The following GPR149 variants were observed in gnomAD, a reference collection of about 807,000 sequenced individuals.
The protein encoded by GPR149 is G protein-coupled receptor 149.
A neutral mutation model predicts 50.2 loss-of-function variants in GPR149; 50 were observed. The observed-to-expected ratio is 1.00, with a 90% CI of 0.79 to 1.26. The LOEUF is 1.26. GPR149 is among the 50% of genes most tolerant of loss of function. The pLI is 0.00. For synonymous variants in GPR149, 405 were observed against 358.2 expected, an observed-to-expected ratio of 1.13 and a Z score of -1.48; for missense variants, 983 against 895.4, an observed-to-expected ratio of 1.10 and a Z score of -1.25.
At chr3:154,353,726 C>A (rs1199007803) in intron 3 of GPR149, 1 of 1,045,008 alleles carries the variant, frequency 9.6e-7, no homozygotes, top group Non-Finnish European at 1.5e-6. Flanking sequence ...AAAATTGTTT[C>A]TTGATTTCTT....
At chr3:154,389,155 A>G (rs968386740) in intron 3 of GPR149, among the ~76,000 whole-genome samples, 3 of 152,188 alleles carry the variant, frequency 2.0e-5, no homozygotes, top group Admixed American at 2.0e-4. Context: ...TTGAAAATTC[A>G]ATCAGTAATG....
chr3:154,406,947 A>G (rs541678702), intron 3 of GPR149, among the ~76,000 whole-genome samples: 1 of 152,334 alleles, frequency 6.6e-6, no homozygotes, highest in East Asian at 1.9e-4. Context: ...AGGCCTCACA[A>G]TCATGACAGA....
chr3:154,340,466 A>G (rs1038128280), intron 3 of GPR149, among the ~76,000 whole-genome samples: 17 of 152,146 alleles, frequency 1.1e-4, no homozygotes, highest in Admixed American at 1.1e-3. Context: ...TTATACATCC[A>G]CTTATTAAAC....
chr3:154,345,089 G>A (rs1713891004), intron 3 of GPR149, among the ~76,000 whole-genome samples: 2 of 151,954 alleles, frequency 1.3e-5, no homozygotes, highest in Non-Finnish European at 2.9e-5. Flanking sequence ...TTTCTTCTCT[G>A]CTACCTATAA....
intron 3 of GPR149, chr3:154,354,191 G>GT (rs1714158141): frequency 2.0e-6 from 1 of 491,162 alleles, no homozygotes; most frequent in African/African-American, 2.1e-5. Context: ...ATTTTCTCTT[G>GT]TTTTTGATTT....
intron 3 of GPR149, among the ~76,000 whole-genome samples, chr3:154,394,176 T>C (rs1018090819): frequency 4.6e-5 from 7 of 152,052 alleles, no homozygotes; most frequent in Non-Finnish European, 7.4e-5. Context: ...ATTACAAGGC[T>C]ATAGTAATTT....
At chr3:154,367,813 A>G (rs1022030694) in intron 3 of GPR149, among the ~76,000 whole-genome samples, 1 of 152,200 alleles carries the variant, frequency 6.6e-6, no homozygotes, top group Non-Finnish European at 1.5e-5. Context: ...TTGGCGAGCC[A>G]GCCAGGAGGA....
intron 3 of GPR149, among the ~76,000 whole-genome samples, chr3:154,411,076 C>A (rs1711819131): frequency 1.3e-5 from 2 of 152,104 alleles, no homozygotes; most frequent in Admixed American, 1.3e-4. Context: ...AATTAAATAA[C>A]CTGCTCCTGA....
rs554645777 is a variant in GPR149, at chr3:154,357,146, T to A, written c.1624-18875A>T. Among the ~76,000 whole-genome samples the A allele has an allele frequency of 3.3e-5, 5 of 152,318 alleles. No homozygotes were observed. The South Asian group carries it at 1.0e-3, about 32-fold the overall frequency. On this transcript the variant is annotated intron_variant, in intron 3 of 3. Transcript: ENST00000389740. ...CTAGCCCTATGTAGAAAGCTGAAACTGGATCCCTTCCTTACACCTTATACA... is the reference window on the plus strand; with the variant it reads ...CTAGCCCTATGTAGAAAGCTGAAACAGGATCCCTTCCTTACACCTTATACA...
intron 3 of GPR149, among the ~76,000 whole-genome samples, chr3:154,358,308 A>G (rs1268191225): frequency 6.6e-6 from 1 of 152,160 alleles, no homozygotes; most frequent in Non-Finnish European, 1.5e-5. Flanking sequence ...AAAAATAAAA[A>G]TAAAAGAAAG....
At chr3:154,371,896 T>C (rs1378910499) in intron 3 of GPR149, among the ~76,000 whole-genome samples, 1 of 152,172 alleles carries the variant, frequency 6.6e-6, no homozygotes, top group Non-Finnish European at 1.5e-5. Context: ...TCAAATTTGT[T>C]TCCTCAGGAT....
At position 154,335,298 on chromosome 3, in the gene GPR149, C is replaced by T. The variant is rs571795335; in HGVS notation, c.*2401G>A. On this transcript the variant is annotated 3_prime_UTR_variant, in exon 4 of 4. Transcript: ENST00000389740. Reference sequence around the variant, plus strand: ...AGAAAGGTATTTCCTCTACTAGAAACACACTTTTATAATCAATCACTCTAA... The same window carrying T: ...AGAAAGGTATTTCCTCTACTAGAAATACACTTTTATAATCAATCACTCTAA... 6.6e-6 allele frequency: 1 copy of T among 152,220 alleles called. No individual in the cohort carries two copies. The highest frequency in any genetic ancestry group is 2.4e-5 in the African/African-American group (1 of 41,562). The allele number at this position is 152,220 out of a possible 1,614,324, so 9.4% of individuals were successfully genotyped here. A position where few individuals can be genotyped will look rare whatever the true frequency, so the allele number is the denominator to read the frequency against.
Position 154,338,053 on chromosome 3 carries a change from A to C in GPR149, c.1842T>G (p.Ser614Arg). ...EDSSSTFVDT[S>R]VKIHLEVLEI... ...CAAGAACCTCCAAGTGTATTTTCAC[A>C]CTGGTGTCCACAAACGTGGATGAAG... Residue 614 changes from serine to arginine, a missense_variant, in exon 4 of 4, where the codon AGT becomes AGG. Physicochemically the swap from Ser to Arg is moderately radical, Grantham distance 110. Transcript: ENST00000389740. 6.2e-7 allele frequency: 1 copy of C among 1,614,188 alleles called. No individual in the cohort carries two copies. Among genetic ancestry groups the C allele is most frequent in the Non-Finnish European group, 8.5e-7 (1 of 1,180,022 alleles).
chr3:154,345,691 A>G (rs1029766624), intron 3 of GPR149, among the ~76,000 whole-genome samples: 4 of 152,176 alleles, frequency 2.6e-5, no homozygotes, highest in African/African-American at 9.7e-5. Flanking sequence ...TTTCTTCACT[A>G]CGAGCCTCCA....
At chr3:154,358,782 A>G (rs1229987143) in intron 3 of GPR149, among the ~76,000 whole-genome samples, 2 of 152,210 alleles carry the variant, frequency 1.3e-5, no homozygotes, top group Non-Finnish European at 2.9e-5. Flanking sequence ...AACACTTATT[A>G]AGCTCGAATA....
intron 3 of GPR149, among the ~76,000 whole-genome samples, chr3:154,415,656 T>C (rs1388180845): frequency 6.6e-6 from 1 of 151,928 alleles, no homozygotes; most frequent in Non-Finnish European, 1.5e-5. Context: ...AATATATGCA[T>C]AGAAAACAGC....
intron 3 of GPR149, among the ~76,000 whole-genome samples, chr3:154,411,608 A>G (rs1461007762): frequency 1.3e-5 from 2 of 152,152 alleles, no homozygotes; most frequent in Non-Finnish European, 2.9e-5. Flanking sequence ...GAGGAGATGA[A>G]TAAATTCCCT....
chr3:154,407,953 T>C (rs1025039058), intron 3 of GPR149, among the ~76,000 whole-genome samples: 1 of 152,124 alleles, frequency 6.6e-6, no homozygotes, highest in Non-Finnish European at 1.5e-5. Flanking sequence ...AAAATGATTA[T>C]GTCATGTTGG....
At chr3:154,368,950 A>C (rs571452944) in intron 3 of GPR149, among the ~76,000 whole-genome samples, 1 of 152,234 alleles carries the variant, frequency 6.6e-6, no homozygotes, top group Non-Finnish European at 1.5e-5. Flanking sequence ...TAAATCCAAC[A>C]GTCCTTGTGC....
Sources: gnomAD v4.1 joint callset for allele counts (sites outside exome capture counted in the v4.1 genomes callset) on GRCh38, gnomAD v4.1.1 for gene constraint, MANE v1.5 for transcripts, NCBI Gene and HGNC (gene_info 2026-07-23, HGNC 2026-07-21) for gene names.